The following L3MBTL4 variants were observed in gnomAD, a reference collection of about 807,000 sequenced individuals.
L3MBTL4 encodes lethal(3)malignant brain tumor-like protein 4.
Under a neutral mutation model 84.5 loss-of-function variants are expected in L3MBTL4, and 70 were observed. The ratio of observed to expected loss-of-function variants is 0.83; its 90% CI spans 0.68 to 1.01. The LOEUF (loss-of-function observed/expected upper bound fraction) is 1.01, where lower values mean the gene tolerates loss of function less well. Among genes scored for constraint, L3MBTL4 ranks in the 50% least tolerant of loss-of-function variants. The probability of loss-of-function intolerance (pLI) is 0.00; values close to 1 mark genes in which losing one functional copy is unlikely to be tolerated. For synonymous variants in L3MBTL4, 274 were observed against 259.8 expected, an observed-to-expected ratio of 1.05 and a Z score of -0.52; for missense variants, 715 against 754.8, an observed-to-expected ratio of 0.95 and a Z score of 0.62.
chr18:5,995,289 G>T (rs991864861), intron 16 of L3MBTL4, among the ~76,000 whole-genome samples: 1 of 152,262 alleles, frequency 6.6e-6, no homozygotes, highest in African/African-American at 2.4e-5. Context: ...TCTCGCCATT[G>T]TGTGTCCCTG....
chr18:6,144,299 G>C (rs1006964571), intron 13 of L3MBTL4, among the ~76,000 whole-genome samples: 15 of 150,750 alleles, frequency 1.0e-4, no homozygotes, highest in Middle Eastern at 7.0e-3. Context: ...TCATTTCAGA[G>C]CTCAGCTTGT....
chr18:6,380,848 C>A (rs970219586), intron 1 of L3MBTL4, among the ~76,000 whole-genome samples: 3 of 152,186 alleles, frequency 2.0e-5, no homozygotes, highest in African/African-American at 7.2e-5. Context: ...TGGTCCAGAG[C>A]TGAGTTCAAG....
rs193012140 is a variant in L3MBTL4, at chr18:6,023,746, A to C, written c.1445-54184T>G. Among the ~76,000 whole-genome samples the C allele has an allele frequency of 3.9e-5, 6 of 152,240 alleles. No individual in the cohort carries two copies. In the East Asian group the frequency reaches 1.2e-3, roughly 29 times the overall value. Reference sequence around the variant, plus strand: ...GCCTGTGTGGGGCTGTACCTTTCACACCTCACCTGTCTTCAGCCACGCGGG... The same window carrying C: ...GCCTGTGTGGGGCTGTACCTTTCACCCCTCACCTGTCTTCAGCCACGCGGG... On this transcript the variant is annotated intron_variant, in intron 16 of 18. Transcript: ENST00000317931.
chr18:6,061,875 C>A (rs2057234261), intron 16 of L3MBTL4, among the ~76,000 whole-genome samples: 1 of 151,916 alleles, frequency 6.6e-6, no homozygotes, highest in South Asian at 2.1e-4. Context: ...CTATACCATG[C>A]AAGCACCTTA....
At chr18:6,314,047 TAG>T (rs2050964372) in intron 1 of L3MBTL4, among the ~76,000 whole-genome samples, 1 of 93,988 alleles carries the variant, frequency 1.1e-5, no homozygotes, top group African/African-American at 4.9e-5. Flanking sequence ...GATAGATAGA[TAG>T]ATAGATAGAT....
chr18:6,230,701 C>T (rs1001989140), intron 10 of L3MBTL4, among the ~76,000 whole-genome samples: 1 of 152,158 alleles, frequency 6.6e-6, no homozygotes, highest in East Asian at 1.9e-4. Flanking sequence ...AATTTACATT[C>T]CCACCCGCAA....
chr18:6,178,231 A>G (rs1256542729), intron 12 of L3MBTL4, among the ~76,000 whole-genome samples: 1 of 152,204 alleles, frequency 6.6e-6, no homozygotes, highest in Non-Finnish European at 1.5e-5. Flanking sequence ...ACTGCTTACA[A>G]TGAAACCATG....
At chr18:6,031,606 G>A (rs1202799719) in intron 16 of L3MBTL4, 3 of 938,354 alleles carry the variant, frequency 3.2e-6, no homozygotes, top group Non-Finnish European at 3.8e-6. Context: ...GTTGTTGGCT[G>A]AGCAGAGAGG....
chr18:6,025,482 G>T (rs939128496), intron 16 of L3MBTL4, among the ~76,000 whole-genome samples: 16 of 152,174 alleles, frequency 1.1e-4, no homozygotes, highest in Non-Finnish European at 2.1e-4. Flanking sequence ...ATTTGTGTGT[G>T]AATATATTTC....
At chr18:6,022,712 GTC>G in intron 16 of L3MBTL4, among the ~76,000 whole-genome samples, 1 of 152,348 alleles carries the variant, frequency 6.6e-6, no homozygotes, top group East Asian at 1.9e-4. Flanking sequence ...AAGGCACAAA[GTC>G]TACGTGATTT....
At chr18:6,149,844 C>A (rs2042814728) in intron 13 of L3MBTL4, among the ~76,000 whole-genome samples, 2 of 152,154 alleles carry the variant, frequency 1.3e-5, no homozygotes, top group African/African-American at 4.8e-5. Flanking sequence ...GCAAAACCAT[C>A]CCCCTTCTCT....
At chr18:6,023,847 AGT>A (rs1482572438) in intron 16 of L3MBTL4, among the ~76,000 whole-genome samples, 1 of 151,704 alleles carries the variant, frequency 6.6e-6, no homozygotes, top group Non-Finnish European at 1.5e-5. Flanking sequence ...AAGTTCGTGC[AGT>A]GTTTCAGTGG....
At chr18:6,398,994 C>T (rs2055397881) in intron 1 of L3MBTL4, among the ~76,000 whole-genome samples, 1 of 152,228 alleles carries the variant, frequency 6.6e-6, no homozygotes, top group African/African-American at 2.4e-5. Flanking sequence ...TGGGTTGGAA[C>T]ATATGCTTCA....
chr18:5,966,443 C>T (rs1017054896), intron 17 of L3MBTL4, among the ~76,000 whole-genome samples: 1 of 152,224 alleles, frequency 6.6e-6, no homozygotes, highest in African/African-American at 2.4e-5. Flanking sequence ...CTTCCCCTGA[C>T]ACCCGGCTTC....
intron 16 of L3MBTL4, chr18:6,029,500 T>C (rs984514813): frequency 1.0e-6 from 1 of 981,472 alleles, no homozygotes; most frequent in Admixed American, 6.2e-5. Context: ...AAATATACAA[T>C]CTTTCCATAC....
At chr18:6,326,807 T>G (rs1004182794) in intron 1 of L3MBTL4, 2 of 152,188 alleles carry the variant, frequency 1.3e-5, no homozygotes, top group Non-Finnish European at 2.9e-5. Flanking sequence ...ATGATGTCAT[T>G]ATTGGGCATT....
chr18:6,089,607 T>G lies in L3MBTL4; in HGVS notation c.1373+3748A>C, dbSNP rs905781551. Reference sequence around the variant, plus strand: ...GTGGGATTTTTTTCTACTTATCATCTGCATGACCTCAGACACTACCTAACC... The same window carrying G: ...GTGGGATTTTTTTCTACTTATCATCGGCATGACCTCAGACACTACCTAACC... On this transcript the variant is annotated intron_variant, in intron 15 of 18. Coordinates refer to ENST00000317931, the MANE Select transcript of L3MBTL4 (RefSeq NM_001330559.2). 1.4e-4 allele frequency among the ~76,000 whole-genome samples: 21 copies of G among 152,308 alleles called. 1 individual carries two copies. Among genetic ancestry groups the G allele is most frequent in the Admixed American group, 1.3e-3 (20 of 15,306 alleles).
At chr18:6,358,631 T>C (rs1268550655) in intron 1 of L3MBTL4, among the ~76,000 whole-genome samples, 1 of 152,216 alleles carries the variant, frequency 6.6e-6, no homozygotes, top group Non-Finnish European at 1.5e-5. Flanking sequence ...CACCTTCCTG[T>C]GCTCCTCAAA....
chr18:6,028,566 T>A (rs1411703105), intron 16 of L3MBTL4, among the ~76,000 whole-genome samples: 1 of 152,226 alleles, frequency 6.6e-6, no homozygotes, highest in Non-Finnish European at 1.5e-5. Context: ...TATCTAATTC[T>A]GTGAAGAAAG....
Sources: gnomAD v4.1 joint callset for allele counts (sites outside exome capture counted in the v4.1 genomes callset) on GRCh38, gnomAD v4.1.1 for gene constraint, MANE v1.5 for transcripts, NCBI Gene and HGNC (gene_info 2026-07-23, HGNC 2026-07-21) for gene names.